The following CDH18 variants were observed in gnomAD, a reference collection of about 807,000 sequenced individuals.
The protein encoded by CDH18 is cadherin 18.
A neutral mutation model predicts 67.9 loss-of-function variants in CDH18; 31 were observed. The ratio of observed to expected loss-of-function variants is 0.46; its 90% confidence interval spans 0.34 to 0.62. CDH18 has a LOEUF of 0.62. Ranked by LOEUF, CDH18 falls within the 20% of genes least tolerant of loss-of-function variation. CDH18 has a pLI of 0.01. For synonymous variants in CDH18, 362 were observed against 347.2 expected (o/e 1.04, Z -0.48); for missense variants, 890 against 975.5 (o/e 0.91, Z 1.17).
intron 1 of CDH18, among the ~76,000 whole-genome samples, chr5:20,274,549 A>G (rs1745665825): frequency 6.6e-6 from 1 of 152,206 alleles, no homozygotes; most frequent in Non-Finnish European, 1.5e-5. Flanking sequence ...TGGCCTTCAT[A>G]GATGAGTACA....
intron 5 of CDH18, among the ~76,000 whole-genome samples, chr5:19,670,510 T>A (rs1364226254): frequency 6.6e-6 from 1 of 152,166 alleles, no homozygotes; most frequent in Non-Finnish European, 1.5e-5. Context: ...AACGTTTATC[T>A]CTAAGGATTG....
intron 2 of CDH18, among the ~76,000 whole-genome samples, chr5:20,231,797 A>C (rs552195025): frequency 6.6e-6 from 1 of 152,212 alleles, no homozygotes; most frequent in East Asian, 1.9e-4. Flanking sequence ...AATAAATAAA[A>C]TCACTTTGGC....
intron 1 of CDH18, among the ~76,000 whole-genome samples, chr5:20,398,643 A>G (rs77197177): frequency 6.6e-6 from 1 of 151,820 alleles, no homozygotes; most frequent in Non-Finnish European, 1.5e-5. Flanking sequence ...CACAGCACAC[A>G]TATACCTATG....
chr5:20,023,526 G>A (rs1361777059), intron 2 of CDH18, among the ~76,000 whole-genome samples: 1 of 151,926 alleles, frequency 6.6e-6, no homozygotes, highest in Non-Finnish European at 1.5e-5. Flanking sequence ...GGGCGTGGTG[G>A]CGGGCACCTG....
intron 2 of CDH18, among the ~76,000 whole-genome samples, chr5:19,921,336 C>T (rs911398559): frequency 2.6e-5 from 4 of 152,118 alleles, no homozygotes; most frequent in Non-Finnish European, 5.9e-5. Context: ...TTGCGACTAT[C>T]CTGGCTAACA....
chr5:19,632,832 T>A (rs1752600103), intron 5 of CDH18, among the ~76,000 whole-genome samples: 1 of 152,214 alleles, frequency 6.6e-6, no homozygotes, highest in Non-Finnish European at 1.5e-5. Flanking sequence ...AAACTGGTTT[T>A]ATTTGTGCCC....
At chr5:19,969,289 T>C (rs1402001702) in intron 2 of CDH18, among the ~76,000 whole-genome samples, 6 of 141,094 alleles carry the variant, frequency 4.3e-5, no homozygotes, top group Non-Finnish European at 7.4e-5. Context: ...AGTGTGGCGA[T>C]TCCTCAGGGA....
At chr5:20,263,196 T>G (rs1280816336) in intron 1 of CDH18, among the ~76,000 whole-genome samples, 1 of 152,190 alleles carries the variant, frequency 6.6e-6, no homozygotes, top group Non-Finnish European at 1.5e-5. Context: ...TACTGTGTTA[T>G]GAAGCCAAGT....
intron 2 of CDH18, among the ~76,000 whole-genome samples, chr5:20,073,914 G>A (rs1305024052): frequency 6.6e-6 from 1 of 152,020 alleles, no homozygotes; most frequent in Admixed American, 6.6e-5. Flanking sequence ...ATATTGCAGA[G>A]CTATTACCTC....
At chr5:20,356,893 A>G (rs554101344) in intron 1 of CDH18, among the ~76,000 whole-genome samples, 1 of 150,110 alleles carries the variant, frequency 6.7e-6, no homozygotes, top group African/African-American at 2.4e-5. Flanking sequence ...CTATATATAC[A>G]TGCATGTATA....
chr5:20,253,474 A>G (rs1190554251), intron 2 of CDH18, among the ~76,000 whole-genome samples: 2 of 152,230 alleles, frequency 1.3e-5, no homozygotes, highest in African/African-American at 2.4e-5. Flanking sequence ...ATCGAGATTC[A>G]GGAAAACATT....
At chr5:20,018,832 T>C (rs1166183719) in intron 2 of CDH18, among the ~76,000 whole-genome samples, 1 of 141,956 alleles carries the variant, frequency 7.0e-6, no homozygotes, top group Non-Finnish European at 1.5e-5. Flanking sequence ...TTTCGCTCTG[T>C]CGCCCAGGCT....
chr5:20,213,608 G>A (rs991148536), intron 2 of CDH18, among the ~76,000 whole-genome samples: 1 of 151,982 alleles, frequency 6.6e-6, no homozygotes, highest in Non-Finnish European at 1.5e-5. Flanking sequence ...GTCTTGGAAG[G>A]GAGTATGTGT....
In CDH18 at chr5:20,386,565, G is replaced by A. The variant is rs192466536; in HGVS notation, c.-579-131060C>T. 5.9e-5 allele frequency among the ~76,000 whole-genome samples: 9 copies of A among 152,104 alleles called. No homozygotes were observed. The East Asian group carries it at 1.5e-3, about 26-fold the overall frequency. The stretch of plus-strand genomic sequence containing the variant: ...CATACGCCCCTTACATATGAAAACC[G>A]AGGCATGCATAACTTAAATAATATG... On this transcript the variant is annotated intron_variant, in intron 1 of 14. Coordinates refer to the CDH18 transcript ENST00000507958.
Position 20,426,399 on chromosome 5 carries a change from C to G in CDH18, c.-580+149063G>C, listed in dbSNP as rs143460332. Among the ~76,000 whole-genome samples, 1,053 of 151,058 alleles carry G rather than the reference C, an allele frequency of 7.0e-3. 84 individuals carry two copies. The highest frequency in any genetic ancestry group is 0.025 in the African/African-American group (1,007 of 40,462). On this transcript the variant is annotated intron_variant, in intron 1 of 14. Transcript: ENST00000507958. ...TTATTGCAGTTTTTACTCTTTTAACCGTATTTCTGTATTTTATCATCCCTT... is the reference window on the plus strand; with the variant it reads ...TTATTGCAGTTTTTACTCTTTTAACGGTATTTCTGTATTTTATCATCCCTT...
intron 2 of CDH18, among the ~76,000 whole-genome samples, chr5:19,925,809 T>C (rs980306677): frequency 6.6e-6 from 1 of 152,188 alleles, no homozygotes; most frequent in Non-Finnish European, 1.5e-5. Context: ...CCACAGGAAG[T>C]GGCTCTGAAA....
At chr5:20,390,916 T>C (rs1434375974) in intron 1 of CDH18, among the ~76,000 whole-genome samples, 1 of 151,766 alleles carries the variant, frequency 6.6e-6, no homozygotes, top group Non-Finnish European at 1.5e-5. Flanking sequence ...TTCTCACTCA[T>C]AGGTGGGAAT....
rs6867366 is a variant in CDH18 at position 20,115,953 on chromosome 5, G to A, written c.-517-123939C>T. 6.1e-3 allele frequency among the ~76,000 whole-genome samples: 921 copies of A among 152,204 alleles called. 13 individuals carry two copies. Among genetic ancestry groups the A allele is most frequent in the African/African-American group, 0.021 (884 of 41,514 alleles). On this transcript the variant is annotated intron_variant, in intron 2 of 14. Coordinates refer to the CDH18 transcript ENST00000507958. ...CTTCAATTCTCCCCATCCTCTCCTA[G>A]TACTGAATCCAGTAAGTATTAGGTT...
chr5:20,082,819 G>T (rs932763160), intron 2 of CDH18, among the ~76,000 whole-genome samples: 2 of 152,142 alleles, frequency 1.3e-5, no homozygotes, highest in African/African-American at 4.8e-5. Flanking sequence ...AATGTTATCT[G>T]CCAGTCAAGA....
Sources: gnomAD v4.1 joint callset for allele counts (sites outside exome capture counted in the v4.1 genomes callset) on GRCh38, gnomAD v4.1.1 for gene constraint, MANE v1.5 for transcripts, NCBI Gene and HGNC (gene_info 2026-07-23, HGNC 2026-07-21) for gene names.